Variants in PSMD2 observed in about 807,000 individuals in gnomAD.
PSMD2 encodes proteasome 26S subunit ubiquitin receptor, non-ATPase 2, also known as 26S proteasome non-ATPase regulatory subunit 2.
In PSMD2, 8 loss-of-function variants were observed where a neutral mutation model predicts 101.5. The ratio of observed to expected loss-of-function variants is 0.08; its 90% CI spans 0.05 to 0.14. PSMD2 has a LOEUF of 0.14. Among genes scored for constraint, PSMD2 ranks in the 10% least tolerant of loss-of-function variants. The probability of loss-of-function intolerance (pLI) is 1.00; values close to 1 mark genes in which losing one functional copy is unlikely to be tolerated. For synonymous variants in PSMD2, 418 were observed against 433.8 expected (o/e 0.96, Z 0.45); for missense variants, 784 against 1,147.4 (o/e 0.68, Z 4.58).
intron 2 of PSMD2, 74 bp downstream of exon 2, chr3:184,299,981 C>G: frequency 7.6e-7 from 1 of 1,320,314 alleles, no homozygotes; most frequent in Non-Finnish European, 1.1e-6. Context: ...TTTGAGGCAA[C>G]TGCTATGTAC....
In PSMD2 at chr3:184,299,932, C is replaced by T. The variant is rs777578866; in HGVS notation, c.192+25C>T. ...GGTGAGTCACGATGTTAACATGATTCGGTGCATGTTTGGATCTTTCCCACT... is the reference window on the plus strand; with the variant it reads ...GGTGAGTCACGATGTTAACATGATTTGGTGCATGTTTGGATCTTTCCCACT... On this transcript the variant is annotated intron_variant, in intron 2 of 20. Coordinates refer to ENST00000310118, the MANE Select transcript of PSMD2 (RefSeq NM_002808.5). 3.1e-6 allele frequency: 5 copies of T among 1,603,148 alleles called. No individual in the cohort carries two copies. The Admixed American group carries it at 8.3e-5, about 27-fold the overall frequency.
intron 8 of PSMD2, 91 bp from the exon 9 acceptor site, chr3:184,303,229 C>T: frequency 6.5e-7 from 1 of 1,539,576 alleles, no homozygotes; most frequent in Admixed American, 1.7e-5. Context: ...AAGGGACTAG[C>T]TCAGAACCAG....
chr3:184,299,778 T>G (rs1303455105), intron 1 of PSMD2, 73 bp from the exon 2 acceptor site: 1 of 1,297,386 alleles, frequency 7.7e-7, no homozygotes, highest in Non-Finnish European at 1.1e-6. Flanking sequence ...ATTCTTCACC[T>G]GCCCCGGGTA....
In PSMD2 at chr3:184,307,328, C is replaced by T. The variant is rs187103044; in HGVS notation, c.2035-29C>T. 14 of 1,612,328 alleles carry T rather than the reference C, an allele frequency of 8.7e-6. No homozygotes were observed. The Admixed American group carries it at 2.3e-4, about 27-fold the overall frequency. On this transcript the variant is annotated intron_variant, in intron 16 of 20. Transcript: ENST00000310118. ...GGAATTTGTTTTTACTGCATTCCGC[C>T]TTACTGTTGTATTTTCTTGGATCAT...
Position 184,304,472 on chromosome 3 carries a change from A to C in PSMD2, c.1539+81A>C. 3 of 1,442,952 alleles carry C rather than the reference A, an allele frequency of 2.1e-6. No individual in the cohort carries two copies. Among genetic ancestry groups the C allele is most frequent in the Middle Eastern group, 3.6e-4 (2 of 5,482 alleles). 89.4% of individuals were successfully genotyped at this position (1,442,952 alleles called of 1,614,324 possible). A position where few individuals can be genotyped will look rare whatever the true frequency, so the allele number is the denominator to read the frequency against. ...CTTTCTGTGATAAATAATGAAAAAG[A>C]AGTAAGTGTGTGCATGTGTGCATAC... On this transcript the variant is annotated intron_variant, in intron 12 of 20. Transcript: ENST00000310118. The surrounding 1 kb of genome is among the most constrained non-coding windows in gnomAD (Gnocchi z 4.1).
chr3:184,303,755 T>C lies in PSMD2; in HGVS notation c.1323+6T>C, dbSNP rs776870716. 5 of 1,613,898 alleles carry C rather than the reference T, an allele frequency of 3.1e-6. No individual in the cohort carries two copies. The Admixed American group carries it at 8.3e-5, about 27-fold the overall frequency. On this transcript the variant is annotated splice_donor_region_variant and intron_variant, in intron 10 of 20. Coordinates refer to ENST00000310118, the MANE Select transcript of PSMD2 (RefSeq NM_002808.5). ...CCTCTGAGGACTACATTAAGGTTGG[T>C]CTGCATACAGCCTGCTCATGGGGAC...
intron 4 of PSMD2, 76 bp downstream of exon 4, chr3:184,301,734 A>T: frequency 1.2e-6 from 2 of 1,609,492 alleles, no homozygotes; most frequent in Admixed American, 1.7e-5. Flanking sequence ...TGTGGAGTAC[A>T]ATCTGTCTTG....
chr3:184,308,067 A>G lies in PSMD2; in HGVS notation c.2425+51A>G. On this transcript the variant is annotated intron_variant, in intron 19 of 20. Coordinates refer to ENST00000310118, the MANE Select transcript of PSMD2 (RefSeq NM_002808.5). The surrounding 1 kb of genome is among the most constrained non-coding windows in gnomAD (Gnocchi z 6.0). ...TCATAGCATGCAGGGCTCTGACTCC[A>G]CCCTTTCCAGGGCCACTTTGATAAT... 1 of 1,603,152 alleles carries G rather than the reference A, an allele frequency of 6.2e-7. No individual in the cohort carries two copies. The highest frequency in any genetic ancestry group is 8.5e-7 in the Non-Finnish European group (1 of 1,175,780).
intron 14 of PSMD2, 51 bp downstream of exon 14, chr3:184,306,206 C>T: frequency 6.2e-7 from 1 of 1,602,230 alleles, no homozygotes; most frequent in African/African-American, 1.3e-5. Flanking sequence ...CTCCTCACTT[C>T]TTTCTTGGTC....
chr3:184,308,852 T>G lies in PSMD2; in HGVS notation c.2689T>G (p.Phe897Val). Residue 897 changes from phenylalanine to valine, a missense_variant, in exon 21 of 21, where the codon TTT becomes GTT. Phe to Val is a conservative substitution (Grantham distance 50). Transcript: ENST00000310118. The surrounding 1 kb of genome is among the most constrained non-coding windows in gnomAD (Gnocchi z 6.0). Reference sequence around the variant, plus strand: ...TCCTGTTACCCCCATTCTGGAAGGTTTTGTTATCCTTCGGAAGAACCCCAA... The same window carrying G: ...TCCTGTTACCCCCATTCTGGAAGGTGTTGTTATCCTTCGGAAGAACCCCAA... ...FLPVTPILEG[F>V]VILRKNPNYD... 1 of 1,612,552 alleles carries G rather than the reference T, an allele frequency of 6.2e-7. No individual in the cohort carries two copies. The highest frequency in any genetic ancestry group is 8.5e-7 in the Non-Finnish European group (1 of 1,180,006).
intron 14 of PSMD2, 24 bp downstream of exon 14, chr3:184,306,179 T>G: frequency 6.2e-7 from 1 of 1,612,688 alleles, no homozygotes; most frequent in Middle Eastern, 1.7e-4. Context: ...TGAGTCTGTC[T>G]TGTGCTTCCC....
chr3:184,308,708 G>T lies in PSMD2; in HGVS notation c.2545G>T (p.Ala849Ser). The change falls in exon 21 of 21, where the codon GCA (alanine) becomes TCA (serine). Residue 849 changes from alanine to serine, a missense_variant and splice_region_variant. This residue lies in a region of PSMD2 where 28 missense variants were observed against 80.8 expected (regional missense o/e 0.35). Coordinates refer to ENST00000310118, the MANE Select transcript of PSMD2 (RefSeq NM_002808.5). The surrounding 1 kb of genome is among the most constrained non-coding windows in gnomAD (Gnocchi z 6.0). ...PLPVSVRVGQ[A>S]VDVVGQAGKP... ...TCTTTTCAATTTTCTTACCCTACAGGCAGTGGATGTGGTGGGCCAGGCTGG... is the reference window on the plus strand; with the variant it reads ...TCTTTTCAATTTTCTTACCCTACAGTCAGTGGATGTGGTGGGCCAGGCTGG... 6.2e-7 allele frequency: 1 copy of T among 1,612,780 alleles called. No individual in the cohort carries two copies. The highest frequency in any genetic ancestry group is 1.1e-5 in the South Asian group (1 of 91,024).
Position 184,302,503 on chromosome 3 carries a change from G to A in PSMD2, c.838G>A (p.Asp280Asn), listed in dbSNP as rs116732617. The change falls in exon 6 of 21, where the codon GAC becomes AAC. Residue 280 changes from aspartate (D) to asparagine (N), a missense_variant. Coordinates refer to ENST00000310118, the MANE Select transcript of PSMD2 (RefSeq NM_002808.5). ...GCTCAATGACATGGAGTTGGTAGAAGACATCTTCACCTCCTGCAAGGATGT... is the reference window on the plus strand; with the variant it reads ...GCTCAATGACATGGAGTTGGTAGAAAACATCTTCACCTCCTGCAAGGATGT... ...LMLNDMELVE[D>N]IFTSCKDVVV... The A allele has an allele frequency of 9.9e-6, 16 of 1,614,160 alleles. No homozygotes were observed. In the East Asian group the frequency reaches 3.1e-4, roughly 31 times the overall value.
chr3:184,300,296 T>A lies in PSMD2; in HGVS notation c.209T>A (p.Leu70Gln), dbSNP rs760456709. ...VERLGEKDTS[L>Q]YRPALEELRR... ...CTTGATCAGGAGAAGGATACATCCC[T>A]GTATCGACCAGCGCTGGAGGAATTG... is the stretch of plus-strand genomic sequence containing the variant. The change falls in exon 3 of 21, where the codon CTG becomes CAG. Residue 70 changes from leucine to glutamine, a missense_variant. By Grantham distance (113) the Leu-to-Gln change is moderately radical (BLOSUM62 -2). Around this residue, in one of 6 missense-constraint regions of PSMD2, gnomAD observed 196 missense variants for 182.4 expected, o/e 1.07. Transcript: ENST00000310118. The A allele has an allele frequency of 6.2e-7, 1 of 1,613,952 alleles. No homozygotes were observed. The highest frequency in any genetic ancestry group is 8.5e-7 in the Non-Finnish European group (1 of 1,179,830).
chr3:184,303,090 T>C, intron 8 of PSMD2, 28 bp downstream of exon 8: 1 of 1,607,344 alleles, frequency 6.2e-7, no homozygotes, highest in Non-Finnish European at 8.5e-7. Context: ...TGTATGGGAT[T>C]TGGGGGATTG....
chr3:184,307,865 C>G (rs747729627), intron 18 of PSMD2, 25 bp from the exon 19 acceptor site: 1 of 1,613,946 alleles, frequency 6.2e-7, no homozygotes, highest in Non-Finnish European at 8.5e-7. Context: ...AACTCCTCAC[C>G]TCTACTTCCC....
rs116489182 is a variant in PSMD2, at chr3:184,302,473, T to C, written c.808T>C (p.Leu270=). ...SRFPEALRLA[L]MLNDMELVED... ...CTTCCCTGAAGCTCTGAGATTGGCA[T>C]TGATGCTCAATGACATGGAGTTGGT... Residue 270 remains leucine, a synonymous_variant, in exon 6 of 21, where the codon TTG becomes CTG. Coordinates refer to ENST00000310118, the MANE Select transcript of PSMD2 (RefSeq NM_002808.5). 1.4e-3 allele frequency: 2,325 copies of C among 1,614,176 alleles called. 3 individuals carry two copies. The highest frequency in any genetic ancestry group is 1.8e-3 in the Non-Finnish European group (2,100 of 1,180,020).
chr3:184,306,736 T>C lies in PSMD2; in HGVS notation c.1951-15T>C, dbSNP rs1560196582. The stretch of plus-strand genomic sequence containing the variant: ...TCCTTGAGCTTAATGGGTTCTGCTC[T>C]CTCTTCAATTGCAGGGAGTGGCTGT... On this transcript the variant is annotated splice_polypyrimidine_tract_variant and intron_variant, in intron 15 of 20. Transcript: ENST00000310118. 1 of 1,610,514 alleles carries C rather than the reference T, an allele frequency of 6.2e-7. No individual in the cohort carries two copies. The highest frequency in any genetic ancestry group is 8.5e-7 in the Non-Finnish European group (1 of 1,177,894).
chr3:184,299,296 G>C lies in PSMD2; in HGVS notation c.30G>C (p.Pro10=). The stretch of plus-strand genomic sequence containing the variant: ...AGGAGGGAGGCCGGGACAAGGCGCC[G>C]GTGCAGCCCCAGCAGTCTCCAGCGG... MEEGGRDKA[P]VQPQQSPAAA... The change falls in exon 1 of 21, where the codon CCG becomes CCC. Residue 10 remains proline (P), a synonymous_variant. Coordinates refer to ENST00000310118, the MANE Select transcript of PSMD2 (RefSeq NM_002808.5). The C allele has an allele frequency of 7.3e-7, 1 of 1,374,302 alleles. No individual in the cohort carries two copies. Among genetic ancestry groups the C allele is most frequent in the Non-Finnish European group, 9.4e-7 (1 of 1,065,750 alleles). 85.1% of individuals were successfully genotyped at this position (1,374,302 alleles called of 1,614,324 possible). A position where few individuals can be genotyped will look rare whatever the true frequency, so the allele number is the denominator to read the frequency against.
Sources: allele counts gnomAD v4.1 joint callset, GRCh38; gene constraint gnomAD v4.1.1; regional missense constraint gnomAD v4.1.1; non-coding constraint Gnocchi (gnomAD v3.1); transcripts MANE v1.5; gene names NCBI Gene and HGNC (gene_info 2026-07-23, HGNC 2026-07-21).